The following KCNQ1 variants were observed in gnomAD, a reference collection of about 807,000 sequenced individuals.
KCNQ1 encodes potassium voltage-gated channel subfamily Q member 1, also known as potassium voltage-gated channel subfamily KQT member 1.
Under a neutral mutation model 72.4 loss-of-function variants are expected in KCNQ1, and 49 were observed. That is an observed-to-expected ratio of 0.68 (90% CI 0.54 to 0.86). KCNQ1 has a LOEUF of 0.86. Among genes scored for constraint, KCNQ1 ranks in the 40% least tolerant of loss-of-function variants. KCNQ1 has a pLI of 0.00. For synonymous variants in KCNQ1, 450 were observed against 412.6 expected, an observed-to-expected ratio of 1.09 and a Z score of -1.10; for missense variants, 790 against 945.1, an observed-to-expected ratio of 0.84 and a Z score of 2.15.
chr11:2,740,734 C>T (rs186795726), intron 11 of KCNQ1, among the ~76,000 whole-genome samples: 14 of 152,338 alleles, frequency 9.2e-5, no homozygotes, highest in Admixed American at 4.6e-4. Flanking sequence ...CGCCCACATC[C>T]CTTGGATCAT....
rs1393693747 is a variant in KCNQ1 at position 2,534,959 on chromosome 11, C to A, written c.477+6941C>A. On this transcript the variant is annotated intron_variant, in intron 2 of 15. Coordinates refer to ENST00000155840, the MANE Select transcript of KCNQ1 (RefSeq NM_000218.3). The stretch of plus-strand genomic sequence containing the variant: ...GGCCCTGTGTATGTGCGGGCTGGAG[C>A]CCTGGTTCCTGTCTGCACTGAGCCC... Among the ~76,000 whole-genome samples, 3 of 152,204 alleles carry A rather than the reference C, an allele frequency of 2.0e-5. No homozygotes were observed. In the East Asian group the frequency reaches 5.8e-4, roughly 29 times the overall value.
At chr11:2,581,718 CGT>C (rs1388061757) in intron 6 of KCNQ1, among the ~76,000 whole-genome samples, 9 of 152,244 alleles carry the variant, frequency 5.9e-5, no homozygotes, top group Non-Finnish European at 1.0e-4. Flanking sequence ...CGTGTGTTTC[CGT>C]GTGTGTGTGC....
Position 2,482,750 on chromosome 11 carries a change from A to C in KCNQ1, c.386+37266A>C, listed in dbSNP as rs78944650. 2.6e-3 allele frequency among the ~76,000 whole-genome samples: 397 copies of C among 151,894 alleles called. 1 individual carries two copies. Among genetic ancestry groups the C allele is most frequent in the Middle Eastern group, 6.8e-3 (2 of 294 alleles). ...TATCCTTCCTCCTCTTAGTGAGGGG[A>C]GTATGTTTATGTTTGTTGAGCTCTT... On this transcript the variant is annotated intron_variant, in intron 1 of 15. Coordinates refer to ENST00000155840, the MANE Select transcript of KCNQ1 (RefSeq NM_000218.3). The surrounding 1 kb of genome is among the most constrained non-coding windows in gnomAD (Gnocchi z 5.7).
At position 2,498,136 on chromosome 11, in the gene KCNQ1, G is replaced by C. The variant is rs557707875; in HGVS notation, c.387-29792G>C. Among the ~76,000 whole-genome samples the C allele has an allele frequency of 6.6e-6, 1 of 152,336 alleles. No individual in the cohort carries two copies. Among genetic ancestry groups the C allele is most frequent in the Middle Eastern group, 3.4e-3 (1 of 294 alleles). On this transcript the variant is annotated intron_variant, in intron 1 of 15. Transcript: ENST00000155840. This position sits in a 1 kb window ranked among gnomAD's most constrained non-coding sequence, Gnocchi z 4.8. ...CCTGTTGGGAGGTCTTGCCTGCTCA[G>C]GAGGCATGGGGCTCAGGGACCCACT...
Position 2,767,237 on chromosome 11 carries a change from G to A in KCNQ1, c.1515-1607G>A, listed in dbSNP as rs1010902405. ...GAGGTTGGACTTGGTTCAGCTAGGA[G>A]GTTGTTCTGTTGGTGCTGGCTGTTA... On this transcript the variant is annotated intron_variant, in intron 11 of 15. Transcript: ENST00000155840. This position sits in a 1 kb window ranked among gnomAD's most constrained non-coding sequence, Gnocchi z 4.6. Among the ~76,000 whole-genome samples the A allele has an allele frequency of 6.6e-6, 1 of 152,182 alleles. No individual in the cohort carries two copies. Among genetic ancestry groups the A allele is most frequent in the East Asian group, 1.9e-4 (1 of 5,180 alleles).
chr11:2,843,059 A>G (rs1297870924), intron 15 of KCNQ1, among the ~76,000 whole-genome samples: 1 of 152,196 alleles, frequency 6.6e-6, no homozygotes, highest in Non-Finnish European at 1.5e-5. Context: ...AAGGCCCTGC[A>G]GCAGTGTGGG....
At chr11:2,625,985 G>C (rs1849255473) in intron 10 of KCNQ1, 2 of 398,488 alleles carry the variant, frequency 5.0e-6, no homozygotes, top group Non-Finnish European at 8.8e-6. Flanking sequence ...CTCCCATTCT[G>C]TAGGTTGTCT....
At position 2,813,413 on chromosome 11, in the gene KCNQ1, G is replaced by A. The variant is rs1234362645; in HGVS notation, c.1795-34354G>A. Reference sequence around the variant, plus strand: ...GCACCTCTTTTTCACCCCCAAACCCGCCTGCCCGTCAGTGCTTAGAGCAAA... The same window carrying A: ...GCACCTCTTTTTCACCCCCAAACCCACCTGCCCGTCAGTGCTTAGAGCAAA... On this transcript the variant is annotated intron_variant, in intron 15 of 15. Coordinates refer to ENST00000155840, the MANE Select transcript of KCNQ1 (RefSeq NM_000218.3). The surrounding 1 kb of genome is among the most constrained non-coding windows in gnomAD (Gnocchi z 4.4). Among the ~76,000 whole-genome samples, 4 of 46,700 alleles carry A rather than the reference G, an allele frequency of 8.6e-5. No homozygotes were observed. Among genetic ancestry groups the A allele is most frequent in the East Asian group, 3.2e-3 (1 of 310 alleles). The allele number at this position is 46,700 out of a possible 152,430, so 30.6% of individuals were successfully genotyped here.
chr11:2,695,232 T>C lies in KCNQ1; in HGVS notation c.1514+33151T>C, dbSNP rs1387424056. ...GTAAGGGTCTGCATAAAGTCACCGC[T>C]CTCTTCCTCTCCATGCTTTTCCACT... On this transcript the variant is annotated intron_variant, in intron 11 of 15. Transcript: ENST00000155840. This position sits in a 1 kb window ranked among gnomAD's most constrained non-coding sequence, Gnocchi z 5.2. 3 of 398,478 alleles carry C rather than the reference T, an allele frequency of 7.5e-6. No homozygotes were observed. Among genetic ancestry groups the C allele is most frequent in the Non-Finnish European group, 1.3e-5 (3 of 226,102 alleles). The allele number at this position is 398,478 out of a possible 1,614,324, so 24.7% of individuals were successfully genotyped here. A position where few individuals can be genotyped will look rare whatever the true frequency, so the allele number is the denominator to read the frequency against.
chr11:2,699,495 GCCGCGC>G, intron 11 of KCNQ1: 1 of 175,732 alleles, frequency 5.7e-6, no homozygotes, highest in Non-Finnish European at 8.9e-6. Flanking sequence ...CGGGGAGAGT[GCCGCGC>G]TGAGGAGCCC....
chr11:2,813,462 A>T lies in KCNQ1; in HGVS notation c.1795-34305A>T, dbSNP rs561574393. ...AATGCCCCTCCCCCGCCATCTTTTC[A>T]TGACTCTCCCCCTTCCTCAACCCTG... On this transcript the variant is annotated intron_variant, in intron 15 of 15. Coordinates refer to ENST00000155840, the MANE Select transcript of KCNQ1 (RefSeq NM_000218.3). The surrounding 1 kb of genome is among the most constrained non-coding windows in gnomAD (Gnocchi z 4.4). Among the ~76,000 whole-genome samples the T allele has an allele frequency of 6.8e-4, 103 of 151,572 alleles. No homozygotes were observed. The highest frequency in any genetic ancestry group is 3.4e-3 in the Middle Eastern group (1 of 294).
chr11:2,770,149 C>T (rs1447866280), intron 12 of KCNQ1, among the ~76,000 whole-genome samples: 1 of 152,190 alleles, frequency 6.6e-6, no homozygotes, highest in African/African-American at 2.4e-5. Flanking sequence ...CCAGGCCACA[C>T]CTTCCACTCC....
At chr11:2,751,373 G>T (rs114371976) in intron 11 of KCNQ1, among the ~76,000 whole-genome samples, 1 of 152,214 alleles carries the variant, frequency 6.6e-6, no homozygotes, top group African/African-American at 2.4e-5. Flanking sequence ...AGGAGCGGGT[G>T]GGCTCCCGGA....
At position 2,608,790 on chromosome 11, in the gene KCNQ1, C is replaced by T. The variant is rs1276799308; in HGVS notation, c.1393+19936C>T. 2.8e-5 allele frequency: 11 copies of T among 398,416 alleles called. No individual in the cohort carries two copies. Among genetic ancestry groups the T allele is most frequent in the Admixed American group, 8.8e-5 (2 of 22,692 alleles). The allele number at this position is 398,416 out of a possible 1,614,324, so 24.7% of individuals were successfully genotyped here. ...AGGTGTGAGCCACTGCAGCTAGCCT[C>T]GTTTTTTTGCTTTAATTTGTAAAAC... On this transcript the variant is annotated intron_variant, in intron 10 of 15. Coordinates refer to ENST00000155840, the MANE Select transcript of KCNQ1 (RefSeq NM_000218.3). This position sits in a 1 kb window ranked among gnomAD's most constrained non-coding sequence, Gnocchi z 4.6.
chr11:2,604,484 AAAAAGAAAGGAAG>A (rs1433984689), intron 10 of KCNQ1, among the ~76,000 whole-genome samples: 1 of 151,956 alleles, frequency 6.6e-6, no homozygotes, highest in Non-Finnish European at 1.5e-5. Context: ...TCAAAAAAAC[AAAAAGAAAGGAAG>A]AAAAGAAAGA....
At chr11:2,694,246 G>A (rs1850635945) in intron 11 of KCNQ1, 1 of 398,676 alleles carries the variant, frequency 2.5e-6, no homozygotes, top group Admixed American at 4.4e-5. Flanking sequence ...ATGCAAGCCA[G>A]GGCCTGCTGC....
chr11:2,798,012 C>A (rs1427242567), intron 15 of KCNQ1, among the ~76,000 whole-genome samples: 1 of 152,196 alleles, frequency 6.6e-6, no homozygotes, highest in East Asian at 1.9e-4. Context: ...GCCCTCTCAC[C>A]CTCACAGGGG....
Position 2,595,819 on chromosome 11 carries a change from C to T in KCNQ1, c.1393+6965C>T, listed in dbSNP as rs902208277. ...ATACATTTTATAAGGCTATAGCGGC[C>T]ATAGATAGCGATTGCTTTGATGAAT... On this transcript the variant is annotated intron_variant, in intron 10 of 15. Coordinates refer to ENST00000155840, the MANE Select transcript of KCNQ1 (RefSeq NM_000218.3). The surrounding 1 kb of genome is among the most constrained non-coding windows in gnomAD (Gnocchi z 5.0). Among the ~76,000 whole-genome samples, 13 of 152,088 alleles carry T rather than the reference C, an allele frequency of 8.5e-5. No individual in the cohort carries two copies. The highest frequency in any genetic ancestry group is 2.4e-4 in the African/African-American group (10 of 41,376).
intron 10 of KCNQ1, chr11:2,641,428 A>T: frequency 2.5e-6 from 1 of 397,692 alleles, no homozygotes; most frequent in Non-Finnish European, 4.4e-6. Context: ...GGCTACTTGT[A>T]TGTTTTCTTT....
Sources: allele counts gnomAD v4.1 joint callset (sites outside exome capture counted in the v4.1 genomes callset), GRCh38; gene constraint gnomAD v4.1.1; non-coding constraint Gnocchi (gnomAD v3.1); transcripts MANE v1.5; gene names NCBI Gene and HGNC (gene_info 2026-07-23, HGNC 2026-07-21).